The following DACH1 variants were observed in gnomAD, a reference collection of about 807,000 sequenced individuals.
DACH1 encodes the protein dachshund family transcription factor 1.
A neutral mutation model predicts 54.2 loss-of-function variants in DACH1; 12 were observed. That is an observed-to-expected ratio of 0.22 (90% confidence interval 0.14 to 0.36). The LOEUF (loss-of-function observed/expected upper bound fraction) is 0.36. Ranked by LOEUF, DACH1 falls within the 10% of genes least tolerant of loss-of-function variation. The probability of loss-of-function intolerance (pLI) is 1.00; values close to 1 mark genes in which losing one functional copy is unlikely to be tolerated. For missense variants in DACH1, 805 were observed against 929.8 expected (o/e 0.87, Z 1.75); for synonymous variants, 386 against 366.2 (o/e 1.05, Z -0.62).
intron 3 of DACH1, among the ~76,000 whole-genome samples, chr13:71,581,543 C>T (rs1308546949): frequency 5.3e-5 from 8 of 152,062 alleles, no homozygotes; most frequent in South Asian, 4.2e-4. Context: ...CATGAGCCAC[C>T]GCGCCCAGCC....
At chr13:71,556,476 AT>A (rs765895299) in intron 6 of DACH1, among the ~76,000 whole-genome samples, 1 of 152,156 alleles carries the variant, frequency 6.6e-6, no homozygotes, top group African/African-American at 2.4e-5. Context: ...GAAAATACAC[AT>A]TTTTGCCTGT....
At chr13:71,753,926 A>G (rs1885032058) in intron 1 of DACH1, among the ~76,000 whole-genome samples, 1 of 152,210 alleles carries the variant, frequency 6.6e-6, no homozygotes, top group Non-Finnish European at 1.5e-5. Flanking sequence ...ATAAATGACC[A>G]AATGTTTTAT....
intron 10 of DACH1, among the ~76,000 whole-genome samples, chr13:71,456,746 A>G (rs1013555819): frequency 6.6e-6 from 1 of 152,044 alleles, no homozygotes; most frequent in East Asian, 1.9e-4. Context: ...GGCTTTAAGA[A>G]TATTAACTTC....
chr13:71,838,984 A>G (rs528433194), intron 1 of DACH1, among the ~76,000 whole-genome samples: 1 of 152,298 alleles, frequency 6.6e-6, no homozygotes, highest in South Asian at 2.1e-4. Flanking sequence ...ATCTTTTGAC[A>G]CTAGTTATTA....
chr13:71,821,360 T>C (rs1469827110), intron 1 of DACH1, among the ~76,000 whole-genome samples: 2 of 128,968 alleles, frequency 1.6e-5, no homozygotes, highest in African/African-American at 2.8e-5. Flanking sequence ...CTCAGTTCTC[T>C]CATCTGCAAA....
intron 1 of DACH1, among the ~76,000 whole-genome samples, chr13:71,795,983 G>A (rs1887031526): frequency 6.6e-6 from 1 of 152,142 alleles, no homozygotes; most frequent in Admixed American, 6.6e-5. Context: ...TATGAGACAT[G>A]AACATTCCAA....
chr13:71,847,365 C>A (rs1337848600), intron 1 of DACH1, among the ~76,000 whole-genome samples: 1 of 152,114 alleles, frequency 6.6e-6, no homozygotes, highest in African/African-American at 2.4e-5. Context: ...AAACAAAATT[C>A]TTATAAGTCT....
chr13:71,475,673 C>G (rs1328826961), intron 9 of DACH1, 33 bp downstream of exon 9: 1 of 1,582,548 alleles, frequency 6.3e-7, no homozygotes, highest in Admixed American at 1.9e-5. Context: ...TTAAAAATGA[C>G]AGTTATTCAT....
At chr13:71,496,261 GTATATATATATATATATATA>G (rs35142229) in intron 6 of DACH1, among the ~76,000 whole-genome samples, 93 of 37,148 alleles carry the variant, frequency 2.5e-3, no homozygotes, top group East Asian at 8.4e-3. Context: ...AAATTGCTAT[GTATATATATATATATATATA>G]TATATATATA....
chr13:71,602,414 A>G (rs1267603613), intron 3 of DACH1, among the ~76,000 whole-genome samples: 1 of 151,898 alleles, frequency 6.6e-6, no homozygotes, highest in Non-Finnish European at 1.5e-5. Flanking sequence ...TAATGAGTTG[A>G]CCTTCTATTC....
At chr13:71,465,681 C>T (rs891844877) in intron 10 of DACH1, among the ~76,000 whole-genome samples, 2 of 151,914 alleles carry the variant, frequency 1.3e-5, no homozygotes, top group African/African-American at 4.8e-5. Context: ...GTTAAAAAAA[C>T]TCAAAGCAAA....
In DACH1 at chr13:71,617,880, T is replaced by TA. The variant is rs537045909; in HGVS notation, c.1126+12675dup. Among the ~76,000 whole-genome samples the TA allele has an allele frequency of 6.6e-3, 1,011 of 152,078 alleles. 7 individuals carry two copies. Among genetic ancestry groups the TA allele is most frequent in the Non-Finnish European group, 0.011 (742 of 67,934 alleles). ...AACAACTAGTCAACAGAATCATTTT[T>TA]AAAAAAAATACTTAGCAGTAGCCTT... On this transcript the variant is annotated intron_variant, in intron 3 of 10. Coordinates refer to ENST00000613252, the MANE Select transcript of DACH1 (RefSeq NM_080759.6).
chr13:71,791,491 C>T (rs1480551072), intron 1 of DACH1, among the ~76,000 whole-genome samples: 2 of 152,128 alleles, frequency 1.3e-5, no homozygotes, highest in African/African-American at 4.8e-5. Flanking sequence ...AGTGATTCTC[C>T]TGTCTCAGCT....
At chr13:71,577,447 A>G (rs913037072) in intron 3 of DACH1, among the ~76,000 whole-genome samples, 2 of 152,204 alleles carry the variant, frequency 1.3e-5, no homozygotes, top group African/African-American at 4.8e-5. Context: ...CATTTTATAA[A>G]TGAGTGTTCA....
intron 10 of DACH1, among the ~76,000 whole-genome samples, chr13:71,443,892 G>T (rs558745743): frequency 5.9e-5 from 9 of 152,188 alleles, no homozygotes; most frequent in African/African-American, 1.9e-4. Flanking sequence ...TCTAATTAAG[G>T]ATATGGCAGT....
chr13:71,694,362 C>A (rs1881706086), intron 1 of DACH1, among the ~76,000 whole-genome samples: 1 of 152,066 alleles, frequency 6.6e-6, no homozygotes, highest in Non-Finnish European at 1.5e-5. Flanking sequence ...GATTCCAGGC[C>A]TATGAACTAA....
At chr13:71,661,834 G>T (rs1879511429) in intron 2 of DACH1, among the ~76,000 whole-genome samples, 1 of 151,832 alleles carries the variant, frequency 6.6e-6, no homozygotes, top group African/African-American at 2.4e-5. Context: ...GCTCATATTT[G>T]AACCATTTTT....
intron 1 of DACH1, among the ~76,000 whole-genome samples, chr13:71,802,886 A>G (rs1378434452): frequency 6.6e-6 from 1 of 152,118 alleles, no homozygotes; most frequent in African/African-American, 2.4e-5. Context: ...AAATTTAGAA[A>G]CTGTTCAGAG....
chr13:71,737,312 G>A (rs1393281343), intron 1 of DACH1, among the ~76,000 whole-genome samples: 1 of 152,128 alleles, frequency 6.6e-6, no homozygotes, highest in African/African-American at 2.4e-5. Flanking sequence ...AGATAGTTTT[G>A]GAGCAGGTAG....
Sources: gnomAD v4.1 joint callset for allele counts (sites outside exome capture counted in the v4.1 genomes callset) on GRCh38, gnomAD v4.1.1 for gene constraint, MANE v1.5 for transcripts, NCBI Gene and HGNC (gene_info 2026-07-23, HGNC 2026-07-21) for gene names.